FAT1: variants seen among roughly 807,000 people sequenced by gnomAD.
The protein encoded by FAT1 is protocadherin Fat 1.
A neutral mutation model predicts 329.8 loss-of-function variants in FAT1; 171 were observed. The observed-to-expected ratio is 0.52, with a 90% confidence interval of 0.46 to 0.59. The LOEUF is 0.59. Among genes scored for constraint, FAT1 ranks in the 20% least tolerant of loss-of-function variants. FAT1 has a pLI of 0.00. For synonymous variants in FAT1, 2,233 were observed against 2,228.6 expected (o/e 1.00, Z -0.06); for missense variants, 5,672 against 5,774.4 (o/e 0.98, Z 0.57).
chr4:186,697,475 C>A (rs1253455262), intron 2 of FAT1, among the ~76,000 whole-genome samples: 1 of 152,124 alleles, frequency 6.6e-6, no homozygotes, highest in Admixed American at 6.5e-5. Context: ...GTGCCGTATG[C>A]CTCAATGGGG....
At chr4:186,644,923 A>G (rs182014778) in intron 3 of FAT1, among the ~76,000 whole-genome samples, 3 of 152,326 alleles carry the variant, frequency 2.0e-5, no homozygotes, top group East Asian at 3.9e-4. Flanking sequence ...CTTGTTTGCA[A>G]GAAACCAGGA....
chr4:186,652,634 AT>A (rs970194011), intron 3 of FAT1, among the ~76,000 whole-genome samples: 12 of 151,824 alleles, frequency 7.9e-5, no homozygotes, highest in Admixed American at 3.3e-4. Context: ...CAAATAGGTA[AT>A]TTTTTTTTAA....
chr4:186,639,655 G>C (rs2126570752), intron 4 of FAT1, 67 bp downstream of exon 4: 1 of 1,073,470 alleles, frequency 9.3e-7, no homozygotes, highest in Admixed American at 2.0e-5. Context: ...ATGGGAACAA[G>C]ATTGTTCTTT....
chr4:186,639,508 G>A (rs1441915493), intron 4 of FAT1, among the ~76,000 whole-genome samples: 1 of 152,194 alleles, frequency 6.6e-6, no homozygotes, highest in African/African-American at 2.4e-5. Flanking sequence ...GACAGTGGCT[G>A]TGTATTCTGG....
intron 9 of FAT1, among the ~76,000 whole-genome samples, 200 bp from the exon 10 acceptor site, chr4:186,621,975 T>A (rs1041422276): frequency 6.6e-6 from 1 of 152,232 alleles, no homozygotes; most frequent in African/African-American, 2.4e-5. Flanking sequence ...TACAGAATTT[T>A]GTCCATAAAT....
intron 2 of FAT1, among the ~76,000 whole-genome samples, chr4:186,671,970 C>T (rs1742752642): frequency 6.6e-6 from 1 of 152,100 alleles, no homozygotes; most frequent in African/African-American, 2.4e-5. Flanking sequence ...AATGGCTATT[C>T]AGTCTACTTT....
intron 2 of FAT1, among the ~76,000 whole-genome samples, chr4:186,686,365 G>A (rs1184761546): frequency 3.3e-5 from 5 of 151,762 alleles, no homozygotes; most frequent in Non-Finnish European, 7.4e-5. Context: ...AATTATGTAA[G>A]TATGCAACAC....
chr4:186,595,809 C>T lies in FAT1; in HGVS notation c.13018G>A (p.Asp4340Asn), dbSNP rs1560917127. 1 of 1,613,886 alleles carries T rather than the reference C, an allele frequency of 6.2e-7. No homozygotes were observed. The highest frequency in any genetic ancestry group is 8.5e-7 in the Non-Finnish European group (1 of 1,179,870). ...AGAGGCTTCTTGGAAAGACAGGGATCAAGATCCACCACTTTTGCTAAAAGG... is the reference window on the plus strand; with the variant it reads ...AGAGGCTTCTTGGAAAGACAGGGATTAAGATCCACCACTTTTGCTAAAAGG... ...FDYDTKVVDL[D>N]PCLSKKPLEE... The change falls in exon 26 of 27, where the codon GAT becomes AAT. Residue 4340 changes from aspartate to asparagine, a missense_variant. Asp to Asn is a conservative substitution (Grantham distance 23). This residue lies in a region of FAT1 where 1,706 missense variants were observed against 1,859.1 expected (regional missense o/e 0.92). Transcript: ENST00000441802.
intron 2 of FAT1, among the ~76,000 whole-genome samples, chr4:186,695,796 CACACACAT>C (rs1360274310): frequency 6.6e-6 from 1 of 150,862 alleles, no homozygotes; most frequent in African/African-American, 2.5e-5. Flanking sequence ...CACACACACA[CACACACAT>C]TTTTGAGACG....
At chr4:186,655,697 T>C (rs971329498) in intron 3 of FAT1, among the ~76,000 whole-genome samples, 155 of 152,188 alleles carry the variant, frequency 1.0e-3, no homozygotes, top group African/African-American at 3.6e-3. Context: ...CCTCCCGAAG[T>C]GCTGGGATTA....
Position 186,613,176 on chromosome 4 carries a change from G to C in FAT1, c.9396C>G (p.Ile3132Met), listed in dbSNP as rs1287326457. ...CCGGCTCTGTGTTTTCAAACACGGTGATGGCATAAGGATCGGCAGAGAATT... is the reference window on the plus strand; with the variant it reads ...CCGGCTCTGTGTTTTCAAACACGGTCATGGCATAAGGATCGGCAGAGAATT... ...APEFSADPYA[I>M]TVFENTEPGT... Residue 3132 changes from isoleucine to methionine, a missense_variant, in exon 13 of 27, where the codon ATC becomes ATG. This residue lies in a region of FAT1 where 3,966 missense variants were observed against 3,915.2 expected (regional missense o/e 1.01). Coordinates refer to ENST00000441802, the MANE Select transcript of FAT1 (RefSeq NM_005245.4). The C allele has an allele frequency of 6.2e-7, 1 of 1,613,760 alleles. No individual in the cohort carries two copies. Among genetic ancestry groups the C allele is most frequent in the Non-Finnish European group, 8.5e-7 (1 of 1,179,870 alleles).
intron 11 of FAT1, 121 bp from the exon 12 acceptor site, chr4:186,614,465 G>A (rs1316292768): frequency 6.1e-6 from 4 of 659,820 alleles, no homozygotes; most frequent in Non-Finnish European, 9.1e-6. Context: ...AATGACTAAA[G>A]ATAAAATCCC....
rs1738725748 is a variant in FAT1 at position 186,600,115 on chromosome 4, C to A, written c.11886G>T (p.Arg3962Ser). The A allele has an allele frequency of 6.2e-7, 1 of 1,613,944 alleles. No individual in the cohort carries two copies. Among genetic ancestry groups the A allele is most frequent in the Non-Finnish European group, 8.5e-7 (1 of 1,179,910 alleles). ...FGGHIRQQGT[R>S]HGRSPQVGNG... is the part of the protein sequence containing the mutation. ...TACCAACTTGAGGACTTCTTCCATGCCTTGTTCCCTGCTGACGGATGTGGC... is the reference window on the plus strand; with the variant it reads ...TACCAACTTGAGGACTTCTTCCATGACTTGTTCCCTGCTGACGGATGTGGC... Residue 3962 changes from arginine to serine, a missense_variant, in exon 22 of 27, where the codon AGG becomes AGT. Physicochemically the swap from Arg to Ser is moderately radical, Grantham distance 110 (BLOSUM62 -1). Transcript: ENST00000441802.
chr4:186,714,967 A>G (rs780044064), intron 1 of FAT1, among the ~76,000 whole-genome samples: 29 of 152,094 alleles, frequency 1.9e-4, no homozygotes, highest in Non-Finnish European at 3.8e-4. Context: ...AGTCCCAGCT[A>G]CTTGGGAGGC....
Position 186,620,889 on chromosome 4 carries a change from G to T in FAT1, c.5697C>A (p.Ile1899=), listed in dbSNP as rs770270418. 2.6e-5 allele frequency: 42 copies of T among 1,613,882 alleles called. No individual in the cohort carries two copies. In the East Asian group the frequency reaches 9.4e-4, roughly 36 times the overall value. The change falls in exon 10 of 27, where the codon ATC becomes ATA. Residue 1899 remains isoleucine, a synonymous_variant. Transcript: ENST00000441802. ...LLPTYKGVKV[I]TVNATDADSS... is the part of the protein sequence containing the mutation. ...AATCAGCATCTGTAGCATTTACTGT[G>T]ATGACTTTTACTCCTTTGTATGTTG...
Position 186,628,554 on chromosome 4 carries a change from G to A in FAT1, c.4533C>T (p.Thr1511=), listed in dbSNP as rs774914875. ...SLKKFRLDPA[T]GSLYTSEKLD... ...GTTTCTCAGAAGTATAGAGAGAGCC[G>A]GTTGCAGGATCAAGACGAAATTTCT... Residue 1511 remains threonine, a synonymous_variant, in exon 8 of 27, where the codon ACC becomes ACT. Transcript: ENST00000441802. 8.1e-6 allele frequency: 13 copies of A among 1,613,970 alleles called. No homozygotes were observed. Among genetic ancestry groups the A allele is most frequent in the South Asian group, 3.3e-5 (3 of 91,078 alleles).
intron 5 of FAT1, 147 bp downstream of exon 5, chr4:186,636,438 C>T (rs551876879): frequency 6.8e-4 from 634 of 932,454 alleles, no homozygotes; most frequent in Non-Finnish European, 8.9e-4. Flanking sequence ...GATTCTCAAA[C>T]GTTATCCGGC....
intron 1 of FAT1, 87 bp downstream of exon 1, chr4:186,723,577 G>GGACCGGGCGGACACCCACAGA (rs1242651480): frequency 1.3e-5 from 2 of 152,220 alleles, no homozygotes; most frequent in African/African-American, 4.8e-5. Flanking sequence ...CCCGAGCCGG[G>GGACCGGGCGGACACCCACAGA]GACCGGGCGG....
At chr4:186,719,469 A>G (rs1349098427) in intron 1 of FAT1, among the ~76,000 whole-genome samples, 1 of 152,224 alleles carries the variant, frequency 6.6e-6, no homozygotes, top group Non-Finnish European at 1.5e-5. Context: ...ACCAAGGGAC[A>G]ACTATATAGA....
Sources: allele counts gnomAD v4.1 joint callset (sites outside exome capture counted in the v4.1 genomes callset), GRCh38; gene constraint gnomAD v4.1.1; regional missense constraint gnomAD v4.1.1; transcripts MANE v1.5; gene names NCBI Gene and HGNC (gene_info 2026-07-23, HGNC 2026-07-21).